The following ZNF804A variants were observed in gnomAD, a reference collection of about 807,000 sequenced individuals.
The protein encoded by ZNF804A is zinc finger protein 804A.
ZNF804A carries 2 observed loss-of-function variants against 16.5 expected under a neutral mutation model. The observed-to-expected ratio is 0.12, with a 90% CI of 0.05 to 0.38. The LOEUF (loss-of-function observed/expected upper bound fraction) is 0.38. ZNF804A is among the 10% of genes least tolerant of loss of function. The pLI is 0.99. For missense variants in ZNF804A, 1,473 were observed against 1,390.7 expected (o/e 1.06, Z -0.94); for synonymous variants, 534 against 489.6 (o/e 1.09, Z -1.20).
intron 1 of ZNF804A, among the ~76,000 whole-genome samples, chr2:184,614,457 CT>C (rs1447065397): frequency 6.6e-6 from 1 of 152,112 alleles, no homozygotes; most frequent in Admixed American, 6.5e-5. Context: ...AACTAAAGAG[CT>C]TCTGCACAGC....
At chr2:184,887,285 G>C (rs1684908637) in intron 2 of ZNF804A, among the ~76,000 whole-genome samples, 1 of 152,142 alleles carries the variant, frequency 6.6e-6, no homozygotes, top group Admixed American at 6.5e-5. Context: ...ATTACCTCAG[G>C]CTAGACCTTA....
intron 1 of ZNF804A, among the ~76,000 whole-genome samples, chr2:184,655,981 A>G (rs1201245690): frequency 6.6e-6 from 1 of 152,184 alleles, no homozygotes; most frequent in Non-Finnish European, 1.5e-5. Context: ...ATTAATAATT[A>G]TTAATCTATT....
intron 1 of ZNF804A, among the ~76,000 whole-genome samples, chr2:184,767,601 C>T (rs1395021806): frequency 1.3e-5 from 2 of 151,926 alleles, no homozygotes; most frequent in African/African-American, 2.4e-5. Flanking sequence ...CATATATTTG[C>T]CACAAAGTGT....
chr2:184,729,760 A>G (rs1693482129), intron 1 of ZNF804A, among the ~76,000 whole-genome samples: 2 of 152,142 alleles, frequency 1.3e-5, no homozygotes, highest in South Asian at 4.1e-4. Context: ...GTGTCTAGAT[A>G]TCTTGACAAA....
At chr2:184,628,583 A>AT in intron 1 of ZNF804A, among the ~76,000 whole-genome samples, 1 of 152,178 alleles carries the variant, frequency 6.6e-6, no homozygotes, top group Middle Eastern at 3.4e-3. Flanking sequence ...AAAATTAAAT[A>AT]TTTTTCAGTG....
At chr2:184,883,433 C>A (rs77835288) in intron 2 of ZNF804A, among the ~76,000 whole-genome samples, 1 of 152,022 alleles carries the variant, frequency 6.6e-6, no homozygotes, top group Non-Finnish European at 1.5e-5. Flanking sequence ...ATGAGGCCAG[C>A]ATCATCTTGA....
At chr2:184,848,902 G>A (rs755277038) in intron 1 of ZNF804A, among the ~76,000 whole-genome samples, 35 of 152,030 alleles carry the variant, frequency 2.3e-4, no homozygotes, top group Non-Finnish European at 4.0e-4. Flanking sequence ...TATAATCTTA[G>A]CCCAGTGCTT....
chr2:184,900,483 G>C (rs1049575255), intron 2 of ZNF804A, among the ~76,000 whole-genome samples: 4 of 152,058 alleles, frequency 2.6e-5, no homozygotes, highest in African/African-American at 9.7e-5. Context: ...TATACAATTT[G>C]GCAGGGGAAT....
intron 2 of ZNF804A, among the ~76,000 whole-genome samples, chr2:184,888,063 A>C (rs1040651190): frequency 6.6e-6 from 1 of 151,986 alleles, no homozygotes; most frequent in Non-Finnish European, 1.5e-5. Context: ...TCAATAAGAA[A>C]CCTCCTCTAC....
chr2:184,916,613 G>T (rs1173290289), intron 2 of ZNF804A, among the ~76,000 whole-genome samples: 1 of 152,184 alleles, frequency 6.6e-6, no homozygotes, highest in East Asian at 1.9e-4. Context: ...ACTTTGGGAG[G>T]CCAAGGCGGG....
At chr2:184,883,388 A>C (rs1684839166) in intron 2 of ZNF804A, among the ~76,000 whole-genome samples, 1 of 152,104 alleles carries the variant, frequency 6.6e-6, no homozygotes, top group Admixed American at 6.5e-5. Context: ...TTATTACAAA[A>C]GAATGAGGAG....
At chr2:184,667,766 T>G (rs2105710305) in intron 1 of ZNF804A, among the ~76,000 whole-genome samples, 1 of 152,008 alleles carries the variant, frequency 6.6e-6, no homozygotes, top group South Asian at 2.1e-4. Context: ...ACATATATGT[T>G]AATTCACATA....
chr2:184,717,638 T>A (rs1228558701), intron 1 of ZNF804A, among the ~76,000 whole-genome samples: 6 of 152,222 alleles, frequency 3.9e-5, no homozygotes, highest in Non-Finnish European at 5.9e-5. Flanking sequence ...AAACAAACCA[T>A]GGTCACTTTT....
chr2:184,865,158 G>A (rs980661610), intron 1 of ZNF804A, among the ~76,000 whole-genome samples: 1 of 152,060 alleles, frequency 6.6e-6, no homozygotes, highest in Non-Finnish European at 1.5e-5. Context: ...GGGACTGCAG[G>A]CATGAGCCAC....
At chr2:184,704,908 G>A (rs1692998256) in intron 1 of ZNF804A, among the ~76,000 whole-genome samples, 1 of 152,138 alleles carries the variant, frequency 6.6e-6, no homozygotes, top group South Asian at 2.1e-4. Context: ...GTTTCTCATG[G>A]AAAGAAAGAA....
chr2:184,767,786 C>G (rs6728615), intron 1 of ZNF804A, among the ~76,000 whole-genome samples: 50,704 of 151,918 alleles, frequency 0.33, 11,842 homozygotes, highest in African/African-American at 0.67. Context: ...AGTCTACCTT[C>G]TTAAAAAGTT....
intron 2 of ZNF804A, among the ~76,000 whole-genome samples, chr2:184,870,948 C>A (rs1695965266): frequency 6.6e-6 from 1 of 151,590 alleles, no homozygotes; most frequent in South Asian, 2.1e-4. Flanking sequence ...TCTTCACATG[C>A]ATAAAACCAT....
intron 3 of ZNF804A, among the ~76,000 whole-genome samples, chr2:184,935,516 C>T (rs1211538647): frequency 6.6e-6 from 1 of 152,082 alleles, no homozygotes; most frequent in African/African-American, 2.4e-5. Flanking sequence ...TCAGATAGAA[C>T]TGGTTAAGAG....
At chr2:184,825,084 G>A (rs1268624060) in intron 1 of ZNF804A, among the ~76,000 whole-genome samples, 1 of 152,092 alleles carries the variant, frequency 6.6e-6, no homozygotes, top group South Asian at 2.1e-4. Context: ...AATATAGTCT[G>A]TCTCCAATTC....
Sources: gnomAD v4.1 joint callset for allele counts (sites outside exome capture counted in the v4.1 genomes callset) on GRCh38, gnomAD v4.1.1 for gene constraint, MANE v1.5 for transcripts, NCBI Gene and HGNC (gene_info 2026-07-23, HGNC 2026-07-21) for gene names.